The following URGCP variants were observed in gnomAD, a reference collection of about 807,000 sequenced individuals.
The protein encoded by URGCP is upregulator of cell proliferation.
A neutral mutation model predicts 24.6 loss-of-function variants in URGCP; 13 were observed. The observed-to-expected ratio is 0.53, with a 90% CI of 0.34 to 0.84. The LOEUF is 0.84. Among genes scored for constraint, URGCP ranks in the 40% least tolerant of loss-of-function variants. The pLI is 0.01. For missense variants in URGCP, 899 were observed against 1,194.3 expected (o/e 0.75, Z 3.64); for synonymous variants, 444 against 487.2 (o/e 0.91, Z 1.17).
At chr7:43,921,539 T>C (rs1057263315) in intron 1 of URGCP, among the ~76,000 whole-genome samples, 2 of 152,258 alleles carry the variant, frequency 1.3e-5, no homozygotes, top group African/African-American at 4.8e-5. Context: ...ATATTAGGTT[T>C]GCTAAATGTT....
upstream of URGCP, among the ~76,000 whole-genome samples, chr7:43,908,505 C>T (rs1266356838): frequency 2.0e-5 from 3 of 152,220 alleles, no homozygotes; most frequent in Non-Finnish European, 4.4e-5. Flanking sequence ...TCTCTCTGAT[C>T]TCCCTCCCCA....
Position 43,918,753 on chromosome 7 carries a change from G to A in URGCP, c.-116+7379C>T, listed in dbSNP as rs142799344. ...CCAGTGCAGCAATCAGATTGGGTTC[G>A]AGTTCTGGAAACAGCTGTGCACTGA... is the stretch of plus-strand genomic sequence containing the variant. On this transcript the variant is annotated intron_variant, in intron 1 of 5. Coordinates refer to the URGCP transcript ENST00000426198. 9.3e-4 allele frequency: 763 copies of A among 823,360 alleles called. 3 individuals are homozygous for A. The African/African-American group carries it at 0.011, about 12-fold the overall frequency. 51.0% of individuals were successfully genotyped at this position (823,360 alleles called of 1,614,324 possible).
intron 2 of URGCP, 65 bp downstream of exon 2, chr7:43,887,725 A>T (rs559180181): frequency 1.8e-5 from 28 of 1,533,074 alleles, no homozygotes; most frequent in Non-Finnish European, 2.4e-5. Flanking sequence ...GAAAACCAGC[A>T]CTCTCCAAAA....
chr7:43,884,218 G>A (rs1221148406), intron 3 of URGCP, among the ~76,000 whole-genome samples: 2 of 152,214 alleles, frequency 1.3e-5, no homozygotes, highest in Admixed American at 1.3e-4. Context: ...CCACTGACTA[G>A]GGTTCGGAGA....
intron 1 of URGCP, among the ~76,000 whole-genome samples, chr7:43,899,707 T>C (rs1302560368): frequency 6.6e-6 from 1 of 152,168 alleles, no homozygotes; most frequent in Non-Finnish European, 1.5e-5. Flanking sequence ...TTTGAGTATC[T>C]GGAACTTATT....
upstream of URGCP, among the ~76,000 whole-genome samples, chr7:43,907,537 T>C (rs1207480603): frequency 6.9e-6 from 1 of 145,640 alleles, no homozygotes; most frequent in East Asian, 2.2e-4. Context: ...ACAACCACTA[T>C]TTAAAAATGT....
chr7:43,891,162 A>G (rs2095870095), intron 1 of URGCP, among the ~76,000 whole-genome samples: 2 of 152,160 alleles, frequency 1.3e-5, no homozygotes, highest in Non-Finnish European at 2.9e-5. Context: ...CAGTCCATCC[A>G]TGCCTAGAAT....
chr7:43,881,067 C>A, intron 5 of URGCP: 1 of 646,868 alleles, frequency 1.5e-6, no homozygotes, highest in South Asian at 1.8e-5. Context: ...GGAAGAGTCA[C>A]ATTGTGCCAA....
chr7:43,894,348 T>A (rs1585811977), intron 1 of URGCP, among the ~76,000 whole-genome samples: 1 of 152,212 alleles, frequency 6.6e-6, no homozygotes. Context: ...ACAAATTTTT[T>A]AAATTTTAAT....
At chr7:43,910,379 CTAATTTTTTTTTTTT>C, upstream of URGCP, among the ~76,000 whole-genome samples, 1 of 134,636 alleles carries the variant, frequency 7.4e-6, no homozygotes, top group East Asian at 2.2e-4. Context: ...CCATGTCTGG[CTAATTTTTTTTTTTT>C]TTTTTTTTTT....
intron 3 of URGCP, among the ~76,000 whole-genome samples, chr7:43,885,671 C>T (rs1019497958): frequency 6.6e-6 from 1 of 152,174 alleles, no homozygotes; most frequent in African/African-American, 2.4e-5. Flanking sequence ...ATTAAGACAA[C>T]CTAGCTCACA....
chr7:43,917,191 G>A (rs1017965711), intron 1 of URGCP, among the ~76,000 whole-genome samples: 13 of 152,144 alleles, frequency 8.5e-5, no homozygotes, highest in Non-Finnish European at 1.5e-5. Flanking sequence ...TCAGGATTTT[G>A]ACCTCTGTCT....
Position 43,877,158 on chromosome 7 carries a change from C to T in URGCP, c.2305G>A (p.Glu769Lys), listed in dbSNP as rs1436775140. Residue 769 changes from glutamate to lysine, a missense_variant, in exon 6 of 6, where the codon GAG (glutamate) becomes AAG (lysine). Physicochemically the swap from Glu to Lys is moderately conservative, Grantham distance 56 (BLOSUM62 1). Transcript: ENST00000453200. ...AGAGTGGCCAAGGAAGCCTCCAGCTCAAATCTGTCCCCAGCTGACGTCAAG... is the reference window on the plus strand; with the variant it reads ...AGAGTGGCCAAGGAAGCCTCCAGCTTAAATCTGTCCCCAGCTGACGTCAAG... ...GALTSAGDRFELEASLATLLM... is the reference protein window; with the variant it reads ...GALTSAGDRFKLEASLATLLM... The T allele has an allele frequency of 6.2e-7, 1 of 1,614,190 alleles. No individual in the cohort carries two copies. The highest frequency in any genetic ancestry group is 1.1e-5 in the South Asian group (1 of 91,082).
chr7:43,923,332 G>A (rs1456859644), intron 1 of URGCP, among the ~76,000 whole-genome samples: 2 of 150,614 alleles, frequency 1.3e-5, no homozygotes, highest in African/African-American at 2.5e-5. Flanking sequence ...TGTCTCCTGG[G>A]CTGGAGTACA....
chr7:43,876,896 C>T lies in URGCP; in HGVS notation c.2567G>A (p.Gly856Asp), dbSNP rs2095845415. Residue 856 changes from glycine to aspartate, a missense_variant, in exon 6 of 6, where the codon GGC (glycine) becomes GAC (aspartate). By Grantham distance (94) the Gly-to-Asp change is moderately conservative. Transcript: ENST00000453200. Reference sequence around the variant, plus strand: ...GCCTGCCAGTGCCCGGAAGCCGTCGCCCTGTTTCTCCATCTGGGCTGCAGC... The same window carrying T: ...GCCTGCCAGTGCCCGGAAGCCGTCGTCCTGTTTCTCCATCTGGGCTGCAGC... ...SRAAAQMEKQ[G>D]DGFRALAGLA... 6.2e-7 allele frequency: 1 copy of T among 1,614,014 alleles called. No homozygotes were observed. The highest frequency in any genetic ancestry group is 8.5e-7 in the Non-Finnish European group (1 of 1,180,008).
intron 5 of URGCP, 23 bp from the exon 6 acceptor site, chr7:43,879,283 A>C (rs1334737634): frequency 6.3e-7 from 1 of 1,584,200 alleles, no homozygotes; most frequent in Admixed American, 1.8e-5. Flanking sequence ...ATGAAGACAT[A>C]AGTGCTCACC....
In URGCP at chr7:43,916,061, A is replaced by C. The variant is rs946981356; in HGVS notation, c.-116+10071T>G. The stretch of plus-strand genomic sequence containing the variant: ...GGAGAAACTCATTTGCATAAGAATA[A>C]AAGGTTTGTTCTCCGGGCATCTTTT... On this transcript the variant is annotated intron_variant, in intron 1 of 5. Transcript: ENST00000426198. Among the ~76,000 whole-genome samples the C allele has an allele frequency of 3.9e-5, 6 of 152,170 alleles. No individual in the cohort carries two copies. In the South Asian group the frequency reaches 1.0e-3, roughly 26 times the overall value.
intron 1 of URGCP, among the ~76,000 whole-genome samples, chr7:43,901,257 C>T (rs1184555645): frequency 1.3e-5 from 2 of 152,190 alleles, no homozygotes; most frequent in Non-Finnish European, 2.9e-5. Context: ...GAGGCTCTCC[C>T]CTGAGCTGGG....
upstream of URGCP, among the ~76,000 whole-genome samples, chr7:43,908,330 A>T (rs2095906443): frequency 6.6e-6 from 1 of 152,186 alleles, no homozygotes; most frequent in African/African-American, 2.4e-5. Context: ...TGCCTGCCTC[A>T]GCCTCCCAAA....
Sources: gnomAD v4.1 joint callset for allele counts (sites outside exome capture counted in the v4.1 genomes callset) on GRCh38, gnomAD v4.1.1 for gene constraint, MANE v1.5 for transcripts, NCBI Gene and HGNC (gene_info 2026-07-23, HGNC 2026-07-21) for gene names.